The following ZNF536 variants were observed in gnomAD, a reference collection of about 807,000 sequenced individuals.
ZNF536 encodes zinc finger protein 536.
In ZNF536, 13 loss-of-function variants were observed where a neutral mutation model predicts 84.5. That is an observed-to-expected ratio of 0.15 (90% CI 0.10 to 0.24). ZNF536 has a LOEUF of 0.24. Among genes scored for constraint, ZNF536 ranks in the 10% least tolerant of loss-of-function variants. The probability of loss-of-function intolerance (pLI) is 1.00; values close to 1 mark genes in which losing one functional copy is unlikely to be tolerated. For synonymous variants in ZNF536, 811 were observed against 742.5 expected, an observed-to-expected ratio of 1.09 and a Z score of -1.50; for missense variants, 1,536 against 1,747.5, an observed-to-expected ratio of 0.88 and a Z score of 2.16.
intron 2 of ZNF536, among the ~76,000 whole-genome samples, chr19:30,458,688 G>A (rs971972423): frequency 4.6e-5 from 7 of 152,128 alleles, no homozygotes; most frequent in Non-Finnish European, 7.3e-5. Flanking sequence ...CCAACCTCAG[G>A]TGATCCGGCC....
At chr19:30,612,669 A>G (rs1254048684) in intron 1 of ZNF536, among the ~76,000 whole-genome samples, 1 of 152,144 alleles carries the variant, frequency 6.6e-6, no homozygotes, top group Non-Finnish European at 1.5e-5. Context: ...TCAACTTTTT[A>G]TTTCAAAATA....
chr19:30,525,594 T>C (rs2044541141), intron 2 of ZNF536, among the ~76,000 whole-genome samples: 1 of 152,190 alleles, frequency 6.6e-6, no homozygotes, highest in Non-Finnish European at 1.5e-5. Flanking sequence ...GCTGACCATC[T>C]GTGAAGGGCG....
At chr19:30,472,470 G>C (rs2053677930) in intron 2 of ZNF536, among the ~76,000 whole-genome samples, 1 of 152,128 alleles carries the variant, frequency 6.6e-6, no homozygotes. Flanking sequence ...GTAAACATGT[G>C]TGATCTCAAA....
intron 2 of ZNF536, among the ~76,000 whole-genome samples, chr19:30,332,938 C>T (rs1354172224): frequency 6.6e-6 from 1 of 152,096 alleles, no homozygotes; most frequent in African/African-American, 2.4e-5. Flanking sequence ...AAAAATTAGT[C>T]AGGCATGGTG....
exon 2 of ZNF536, chr19:30,710,779 C>G (rs1439350317): frequency 6.6e-6 from 1 of 152,258 alleles, no homozygotes; most frequent in African/African-American, 2.4e-5. Context: ...TCCAGTGCCG[C>G]TACTGTCCCT....
chr19:30,517,935 C>T (rs971561905), intron 2 of ZNF536, among the ~76,000 whole-genome samples: 12 of 152,148 alleles, frequency 7.9e-5, no homozygotes, highest in African/African-American at 2.9e-4. Flanking sequence ...TAGGAAAGGA[C>T]TTGGGCGAGG....
chr19:30,470,682 T>A (rs2053595470), intron 2 of ZNF536, among the ~76,000 whole-genome samples: 2 of 143,508 alleles, frequency 1.4e-5, no homozygotes, highest in Non-Finnish European at 3.0e-5. Context: ...TTTTGTAGAC[T>A]GTCTTTTTTT....
intron 2 of ZNF536, among the ~76,000 whole-genome samples, chr19:30,533,237 C>T (rs1018040166): frequency 3.9e-5 from 6 of 152,082 alleles, no homozygotes; most frequent in South Asian, 2.1e-4. Context: ...TTAAATGTCT[C>T]GGACCCAGTG....
intron 2 of ZNF536, among the ~76,000 whole-genome samples, chr19:30,502,118 GA>G (rs1335526190): frequency 1.3e-5 from 2 of 152,186 alleles, no homozygotes; most frequent in African/African-American, 4.8e-5. Context: ...TTGCCTGAAC[GA>G]CCCATCTGGT....
intron 1 of ZNF536, among the ~76,000 whole-genome samples, chr19:30,640,765 G>C (rs1251044232): frequency 6.6e-6 from 1 of 152,240 alleles, no homozygotes; most frequent in African/African-American, 2.4e-5. Flanking sequence ...AGAGATCAGA[G>C]GCACATTCAA....
At chr19:30,226,170 C>A (rs1298555274), upstream of ZNF536, among the ~76,000 whole-genome samples, 3 of 147,640 alleles carry the variant, frequency 2.0e-5, no homozygotes, top group African/African-American at 7.5e-5. The surrounding 1 kb of genome is among the most constrained non-coding windows in gnomAD (Gnocchi z 4.6). Flanking sequence ...CACCCGCGAG[C>A]GGCCCGCGAG....
In ZNF536 at chr19:30,376,004, C is replaced by T. The variant is rs143509795; in HGVS notation, c.-3+3448C>T. Among the ~76,000 whole-genome samples, 73 of 152,256 alleles carry T rather than the reference C, an allele frequency of 4.8e-4. 1 individual carries two copies. In the East Asian group the frequency reaches 0.014, roughly 29 times the overall value. ...TCTGTGAGAGCCATGTGTATATCTG[C>T]ATGGGTGATGAGTGTGTGAATGAGT... On this transcript the variant is annotated intron_variant, in intron 1 of 4. Transcript: ENST00000355537.
chr19:30,555,790 G>A (rs1470974113), intron 4 of ZNF536: 1 of 152,214 alleles, frequency 6.6e-6, no homozygotes, highest in Non-Finnish European at 1.5e-5. Context: ...AGTCTACAGT[G>A]TGGCCCAGAA....
At chr19:30,242,367 C>A (rs1463817010) in intron 1 of ZNF536, among the ~76,000 whole-genome samples, 7 of 152,138 alleles carry the variant, frequency 4.6e-5, no homozygotes, top group Admixed American at 4.6e-4. Context: ...GTCGGCTACC[C>A]CCAGCTTTAG....
At chr19:30,302,081 T>A (rs985493284) in intron 2 of ZNF536, among the ~76,000 whole-genome samples, 1 of 92,856 alleles carries the variant, frequency 1.1e-5, no homozygotes, top group African/African-American at 5.7e-5. Context: ...AATCACTGTT[T>A]GTATATAATA....
At chr19:30,637,159 A>G (rs531324560) in intron 1 of ZNF536, among the ~76,000 whole-genome samples, 19 of 152,306 alleles carry the variant, frequency 1.2e-4, no homozygotes, top group African/African-American at 4.6e-4. Flanking sequence ...GGGTCCTTCC[A>G]TACTGACCCA....
intron 1 of ZNF536, among the ~76,000 whole-genome samples, chr19:30,624,109 G>C (rs920575599): frequency 1.3e-5 from 2 of 152,136 alleles, no homozygotes; most frequent in Admixed American, 6.5e-5. Context: ...GCACTCTGGG[G>C]TGTGGGTATG....
intron 3 of ZNF536, among the ~76,000 whole-genome samples, chr19:30,544,897 T>C (rs1356092802): frequency 6.6e-6 from 1 of 152,178 alleles, no homozygotes; most frequent in African/African-American, 2.4e-5. Flanking sequence ...AAGACCAGGA[T>C]TCTGTGTCCA....
intron 3 of ZNF536, among the ~76,000 whole-genome samples, chr19:30,546,580 G>T (rs997910271): frequency 2.0e-5 from 3 of 152,204 alleles, no homozygotes; most frequent in African/African-American, 7.2e-5. Context: ...CCTGTGCCTG[G>T]AGAACTGGGA....
Sources: allele counts gnomAD v4.1 joint callset (sites outside exome capture counted in the v4.1 genomes callset), GRCh38; gene constraint gnomAD v4.1.1; non-coding constraint Gnocchi (gnomAD v3.1); transcripts MANE v1.5; gene names NCBI Gene and HGNC (gene_info 2026-07-23, HGNC 2026-07-21).